Variants in PLCXD3 observed in about 807,000 individuals in gnomAD.
PLCXD3 encodes PI-PLC X domain-containing protein 3.
PLCXD3 carries 19 observed loss-of-function variants against 25.5 expected under a neutral mutation model. The observed-to-expected ratio is 0.75, with a 90% CI of 0.52 to 1.09. The LOEUF is 1.09. Ranked by LOEUF, PLCXD3 falls within the 50% of genes least tolerant of loss-of-function variation. The probability of loss-of-function intolerance (pLI) is 0.00; values close to 1 mark genes in which losing one functional copy is unlikely to be tolerated. For synonymous variants in PLCXD3, 174 were observed against 137.6 expected (o/e 1.26, Z -1.85); for missense variants, 411 against 388.1 (o/e 1.06, Z -0.50).
At chr5:41,332,382 A>T (rs544003318) in intron 2 of PLCXD3, among the ~76,000 whole-genome samples, 1 of 152,170 alleles carries the variant, frequency 6.6e-6, no homozygotes, top group South Asian at 2.1e-4. Flanking sequence ...TGCAAATCAA[A>T]ACCACAATGA....
chr5:41,494,124 G>C (rs563239692), intron 1 of PLCXD3, among the ~76,000 whole-genome samples: 15 of 152,166 alleles, frequency 9.9e-5, no homozygotes, highest in Non-Finnish European at 2.1e-4. Context: ...GTTAAGACAG[G>C]GTCTTGCTCT....
chr5:41,476,052 A>G (rs1046187743), intron 1 of PLCXD3, among the ~76,000 whole-genome samples: 10 of 152,238 alleles, frequency 6.6e-5, no homozygotes, highest in Admixed American at 1.3e-4. Context: ...TTACACATGA[A>G]TAATATCTGT....
In PLCXD3 at chr5:41,475,737, A is replaced by C. The variant is rs367776896; in HGVS notation, c.103+34687T>G. On this transcript the variant is annotated intron_variant, in intron 1 of 2. Transcript: ENST00000377801. Reference sequence around the variant, plus strand: ...TACTACTTGAGACTGTCATTACAAGAGTTACTTCTGTTACTACTTGAGACC... The same window carrying C: ...TACTACTTGAGACTGTCATTACAAGCGTTACTTCTGTTACTACTTGAGACC... The C allele has an allele frequency of 3.9e-5, 21 of 534,488 alleles. No individual in the cohort carries two copies. The East Asian group carries it at 4.4e-4, about 11-fold the overall frequency. 33.1% of individuals were successfully genotyped at this position (534,488 alleles called of 1,614,324 possible). A position where few individuals can be genotyped will look rare whatever the true frequency, so the allele number is the denominator to read the frequency against.
At position 41,310,219 on chromosome 5, in the gene PLCXD3, A is replaced by G. The variant is rs1743102490; in HGVS notation, c.*3398T>C. 6.6e-6 allele frequency: 1 copy of G among 152,192 alleles called. No individual in the cohort carries two copies. The highest frequency in any genetic ancestry group is 1.5e-5 in the Non-Finnish European group (1 of 68,026). 9.4% of individuals were successfully genotyped at this position (152,192 alleles called of 1,614,324 possible). On this transcript the variant is annotated 3_prime_UTR_variant, in exon 3 of 3. Transcript: ENST00000377801. ...GCATTTACATTATTGTGTGGTAAAT[A>G]GGGAGACATAAATGATAATGGCAGA...
intron 1 of PLCXD3, among the ~76,000 whole-genome samples, chr5:41,495,761 C>T (rs920129148): frequency 3.3e-5 from 5 of 152,094 alleles, no homozygotes; most frequent in East Asian, 3.9e-4. Context: ...TTGATGAATG[C>T]CTTTCCCTTT....
intron 1 of PLCXD3, among the ~76,000 whole-genome samples, chr5:41,398,232 A>T (rs1021907037): frequency 6.6e-6 from 1 of 152,156 alleles, no homozygotes; most frequent in Non-Finnish European, 1.5e-5. Context: ...ACCTGGTGGG[A>T]GATATTAAAT....
At position 41,382,250 on chromosome 5, in the gene PLCXD3, C is replaced by T; in HGVS notation, c.388G>A (p.Ala130Thr). ...TCCTTATGGTGATCTGTGAGGAATG[C>T]ATTGATCTCCTCAAGGCCTTCATTG... ...KVNEGLEEIN[A>T]FLTDHHKEVV... is the part of the protein sequence containing the mutation. The change falls in exon 2 of 3, where the codon GCA (alanine) becomes ACA (threonine). Residue 130 changes from alanine (A) to threonine (T), a missense_variant. By Grantham distance (58) the Ala-to-Thr change is moderately conservative. Coordinates refer to ENST00000377801, the MANE Select transcript of PLCXD3 (RefSeq NM_001005473.3). The T allele has an allele frequency of 1.2e-6, 2 of 1,613,718 alleles. No homozygotes were observed. The highest frequency in any genetic ancestry group is 1.7e-6 in the Non-Finnish European group (2 of 1,179,760).
intron 1 of PLCXD3, among the ~76,000 whole-genome samples, chr5:41,388,940 T>C (rs1028606500): frequency 1.3e-5 from 2 of 151,514 alleles, no homozygotes; most frequent in South Asian, 4.1e-4. Flanking sequence ...ATTTCATTAG[T>C]ATAGTAATGC....
chr5:41,470,931 A>C (rs1257719082), intron 1 of PLCXD3, among the ~76,000 whole-genome samples: 1 of 152,214 alleles, frequency 6.6e-6, no homozygotes, highest in East Asian at 1.9e-4. Context: ...GCCAGAAATG[A>C]ATAGTAGTTA....
intron 2 of PLCXD3, among the ~76,000 whole-genome samples, chr5:41,316,134 G>A (rs576837806): frequency 6.6e-6 from 1 of 152,290 alleles, no homozygotes; most frequent in Admixed American, 6.5e-5. Flanking sequence ...GGGAAGAATG[G>A]TGAGGACTTT....
At chr5:41,483,224 A>G (rs957683252) in intron 1 of PLCXD3, among the ~76,000 whole-genome samples, 1 of 152,220 alleles carries the variant, frequency 6.6e-6, no homozygotes, top group Non-Finnish European at 1.5e-5. Context: ...AGAACTTGCA[A>G]AGGAAGCACA....
chr5:41,363,986 T>C (rs893080499), intron 2 of PLCXD3, among the ~76,000 whole-genome samples: 3 of 152,194 alleles, frequency 2.0e-5, no homozygotes, highest in Non-Finnish European at 2.9e-5. Context: ...AAATAGAGCA[T>C]CTGCAAAAGT....
intron 1 of PLCXD3, among the ~76,000 whole-genome samples, chr5:41,442,837 C>T (rs1370296882): frequency 6.6e-6 from 1 of 151,992 alleles, no homozygotes; most frequent in Non-Finnish European, 1.5e-5. Context: ...GTTCTTCTTC[C>T]TCTATCCATA....
At chr5:41,469,616 C>A (rs189565953) in intron 1 of PLCXD3, among the ~76,000 whole-genome samples, 29 of 152,072 alleles carry the variant, frequency 1.9e-4, no homozygotes, top group Admixed American at 5.9e-4. Context: ...TATCTACTTC[C>A]TCTAGTTATC....
At chr5:41,365,993 G>A (rs1293607562) in intron 2 of PLCXD3, among the ~76,000 whole-genome samples, 1 of 151,792 alleles carries the variant, frequency 6.6e-6, no homozygotes, top group Non-Finnish European at 1.5e-5. Flanking sequence ...TGCACAACGT[G>A]CAGGTTTGTT....
At chr5:41,411,360 C>A (rs1426501385) in intron 1 of PLCXD3, among the ~76,000 whole-genome samples, 1 of 152,196 alleles carries the variant, frequency 6.6e-6, no homozygotes, top group Non-Finnish European at 1.5e-5. Context: ...CCAAACACCA[C>A]TTCTTGCCAA....
chr5:41,331,656 C>G (rs1361681551), intron 2 of PLCXD3, among the ~76,000 whole-genome samples: 1 of 152,114 alleles, frequency 6.6e-6, no homozygotes, highest in African/African-American at 2.4e-5. Context: ...GCCAAAAGAA[C>G]AAAGCTGGAG....
Position 41,355,343 on chromosome 5 carries a change from GAAC to G in PLCXD3, c.812+26480_812+26482del, listed in dbSNP as rs201636307. Among the ~76,000 whole-genome samples the G allele has an allele frequency of 6.7e-4, 102 of 152,342 alleles. 1 individual carries two copies. In the East Asian group the frequency reaches 0.019, roughly 29 times the overall value. ...GCTACAAAGAACTACAAAGTGTTTAGAACAACACTTTTCCAACTAGAATAGAGA... is the reference window on the plus strand; with the variant it reads ...GCTACAAAGAACTACAAAGTGTTTAGAACACTTTTCCAACTAGAATAGAGA... On this transcript the variant is annotated intron_variant, in intron 2 of 2. Transcript: ENST00000377801.
chr5:41,431,583 T>C (rs1047700177), intron 1 of PLCXD3, among the ~76,000 whole-genome samples: 2 of 152,186 alleles, frequency 1.3e-5, no homozygotes, highest in Non-Finnish European at 2.9e-5. Context: ...TTACATTATA[T>C]AGCTGTTTGC....
Sources: allele counts gnomAD v4.1 joint callset (sites outside exome capture counted in the v4.1 genomes callset), GRCh38; gene constraint gnomAD v4.1.1; transcripts MANE v1.5; gene names NCBI Gene and HGNC (gene_info 2026-07-23, HGNC 2026-07-21).